The following CNTN4 variants were observed in gnomAD, a reference collection of about 807,000 sequenced individuals.
The protein encoded by CNTN4 is contactin-4.
CNTN4 carries 77 observed loss-of-function variants against 122.5 expected under a neutral mutation model. The ratio of observed to expected loss-of-function variants is 0.63; its 90% confidence interval spans 0.52 to 0.76. The LOEUF (loss-of-function observed/expected upper bound fraction) is 0.76. Ranked by LOEUF, CNTN4 falls within the 30% of genes least tolerant of loss-of-function variation. The pLI, the probability that CNTN4 is intolerant of heterozygous loss-of-function variation, is 0.00. For synonymous variants in CNTN4, 512 were observed against 447.0 expected (o/e 1.15, Z -1.83); for missense variants, 1,256 against 1,259.1 (o/e 1.00, Z 0.04).
At chr3:2,304,418 C>G (rs1413207562) in intron 2 of CNTN4, among the ~76,000 whole-genome samples, 1 of 152,028 alleles carries the variant, frequency 6.6e-6, no homozygotes, top group Non-Finnish European at 1.5e-5. Context: ...CATTTACATT[C>G]TATGAAACAT....
intron 10 of CNTN4, among the ~76,000 whole-genome samples, chr3:2,889,744 A>G (rs2151033989): frequency 6.6e-6 from 1 of 152,152 alleles, no homozygotes; most frequent in East Asian, 1.9e-4. Flanking sequence ...AACTTTCATG[A>G]TTTTCTGTTA....
intron 3 of CNTN4, among the ~76,000 whole-genome samples, chr3:2,445,427 C>G (rs1037398149): frequency 2.6e-5 from 4 of 152,120 alleles, no homozygotes; most frequent in Non-Finnish European, 2.9e-5. Context: ...AGAGGTGGAA[C>G]CAAGGATGTC....
intron 2 of CNTN4, among the ~76,000 whole-genome samples, chr3:2,170,296 GGC>G (rs2036441019): frequency 6.6e-6 from 1 of 151,730 alleles, no homozygotes; most frequent in Non-Finnish European, 1.5e-5. Flanking sequence ...CTCCAGCCTG[GGC>G]GACACACCAA....
intron 6 of CNTN4, among the ~76,000 whole-genome samples, chr3:2,772,191 C>G (rs149227877): frequency 3.9e-5 from 6 of 151,986 alleles, no homozygotes; most frequent in Non-Finnish European, 2.9e-5. Flanking sequence ...CATTTTAGAA[C>G]TTGATTACTG....
At chr3:2,257,307 T>G (rs1284908709) in intron 2 of CNTN4, among the ~76,000 whole-genome samples, 1 of 152,190 alleles carries the variant, frequency 6.6e-6, no homozygotes, top group Non-Finnish European at 1.5e-5. Flanking sequence ...ATTAAACACT[T>G]AAACCTAAGA....
At chr3:2,818,809 T>A (rs558400716) in intron 6 of CNTN4, among the ~76,000 whole-genome samples, 1 of 152,350 alleles carries the variant, frequency 6.6e-6, no homozygotes, top group East Asian at 1.9e-4. Context: ...CCATGAACAG[T>A]ACCTTCTAAA....
chr3:2,605,388 G>A (rs759705175), intron 4 of CNTN4, among the ~76,000 whole-genome samples: 42 of 152,138 alleles, frequency 2.8e-4, no homozygotes, highest in Non-Finnish European at 4.4e-4. Context: ...AGGCAACATG[G>A]CAGATCATGC....
At chr3:2,832,073 C>G (rs1399288418) in intron 7 of CNTN4, among the ~76,000 whole-genome samples, 1 of 152,214 alleles carries the variant, frequency 6.6e-6, no homozygotes, top group African/African-American at 2.4e-5. Flanking sequence ...ACCTTCTTCT[C>G]TTGCTACCCT....
At chr3:2,695,044 TTATG>T (rs1482135074) in intron 4 of CNTN4, among the ~76,000 whole-genome samples, 1 of 152,202 alleles carries the variant, frequency 6.6e-6, no homozygotes, top group African/African-American at 2.4e-5. Flanking sequence ...TCAATGTTAT[TTATG>T]TAGTCAGTGC....
intron 2 of CNTN4, among the ~76,000 whole-genome samples, chr3:2,129,114 G>A (rs1227933492): frequency 6.6e-6 from 1 of 151,950 alleles, no homozygotes; most frequent in African/African-American, 2.4e-5. Flanking sequence ...TTTAGGAAAA[G>A]AAAATAAAAC....
rs193147844 is a variant in CNTN4, at chr3:2,350,535, G to A, written c.-89+11302G>A. ...TTGCTGTAAAGTGCTCTGTACTAGT[G>A]TAAGATAAATACATAATTAGTATAC... On this transcript the variant is annotated intron_variant, in intron 3 of 24. Coordinates refer to ENST00000418658, the MANE Select transcript of CNTN4 (RefSeq NM_175607.3). Among the ~76,000 whole-genome samples, 43 of 151,362 alleles carry A rather than the reference G, an allele frequency of 2.8e-4. No homozygotes were observed. The East Asian group carries it at 6.6e-3, about 23-fold the overall frequency.
At chr3:2,425,494 T>G (rs1009560992) in intron 3 of CNTN4, among the ~76,000 whole-genome samples, 2 of 152,194 alleles carry the variant, frequency 1.3e-5, no homozygotes, top group Admixed American at 6.5e-5. Flanking sequence ...TAGTTTGAAG[T>G]CAGGTAGCGT....
intron 13 of CNTN4, among the ~76,000 whole-genome samples, chr3:2,938,645 A>G (rs1261160830): frequency 6.6e-6 from 1 of 152,216 alleles, no homozygotes; most frequent in Non-Finnish European, 1.5e-5. Flanking sequence ...TAGGACTGGC[A>G]TAGCAGCTTT....
intron 4 of CNTN4, among the ~76,000 whole-genome samples, chr3:2,600,008 CT>C (rs71058630): frequency 1.6e-3 from 66 of 41,754 alleles, no homozygotes; most frequent in East Asian, 0.011. Flanking sequence ...TGGAATTCTT[CT>C]TTTTTTTTTT....
At chr3:2,806,895 T>C (rs1559524646) in intron 6 of CNTN4, among the ~76,000 whole-genome samples, 1 of 152,130 alleles carries the variant, frequency 6.6e-6, no homozygotes, top group Non-Finnish European at 1.5e-5. Flanking sequence ...GTTCTACTTT[T>C]ATATTACTTC....
In CNTN4 at chr3:2,852,587, C is replaced by T. The variant is rs148259928; in HGVS notation, c.455-14165C>T. On this transcript the variant is annotated intron_variant, in intron 7 of 24. Transcript: ENST00000418658. ...GTAGCAATTTGGCTACAGTATTGCA[C>T]GTGATCCCCCAACCCTCCTATGGTG... Among the ~76,000 whole-genome samples the T allele has an allele frequency of 8.6e-3, 1,307 of 152,250 alleles. 10 individuals carry two copies. The highest frequency in any genetic ancestry group is 0.017 in the African/African-American group (699 of 41,546).
chr3:2,912,068 T>G (rs574341265), intron 12 of CNTN4, among the ~76,000 whole-genome samples: 109 of 151,826 alleles, frequency 7.2e-4, no homozygotes, highest in Non-Finnish European at 1.3e-3. Flanking sequence ...AGGAAATGGA[T>G]TCACAAATTT....
At chr3:2,731,254 CTCCTTGTT>C (rs2088658912) in intron 4 of CNTN4, among the ~76,000 whole-genome samples, 1 of 152,082 alleles carries the variant, frequency 6.6e-6, no homozygotes, top group Non-Finnish European at 1.5e-5. Context: ...AGATTTCCCA[CTCCTTGTT>C]GAAGCATGAA....
chr3:2,324,348 A>G (rs966103894), intron 2 of CNTN4, among the ~76,000 whole-genome samples: 1 of 152,164 alleles, frequency 6.6e-6, no homozygotes, highest in Non-Finnish European at 1.5e-5. Context: ...ACGCACACTC[A>G]CACTCATACT....
Sources: allele counts gnomAD v4.1 joint callset (sites outside exome capture counted in the v4.1 genomes callset), GRCh38; gene constraint gnomAD v4.1.1; transcripts MANE v1.5; gene names NCBI Gene and HGNC (gene_info 2026-07-23, HGNC 2026-07-21).